Variants in AUH observed in about 807,000 individuals in gnomAD.
The protein encoded by AUH is AU RNA binding methylglutaconyl-CoA hydratase.
A neutral mutation model predicts 42.3 loss-of-function variants in AUH; 29 were observed. That is an observed-to-expected ratio of 0.69 (90% confidence interval 0.51 to 0.93). The LOEUF (loss-of-function observed/expected upper bound fraction) is 0.93. Among genes scored for constraint, AUH ranks in the 40% least tolerant of loss-of-function variants. AUH has a pLI of 0.00. For missense variants in AUH, 452 were observed against 438.1 expected (o/e 1.03, Z -0.28); for synonymous variants, 174 against 166.4 (o/e 1.05, Z -0.35).
intron 6 of AUH, among the ~76,000 whole-genome samples, chr9:91,238,324 A>G (rs534149956): frequency 6.6e-6 from 1 of 152,248 alleles, no homozygotes; most frequent in South Asian, 2.1e-4. Context: ...GCAGGAAGGG[A>G]AAAGGGGGAA....
intron 4 of AUH, among the ~76,000 whole-genome samples, chr9:91,322,166 A>G (rs1034508402): frequency 6.6e-6 from 1 of 152,234 alleles, no homozygotes; most frequent in African/African-American, 2.4e-5. Context: ...AAGAAAAGCT[A>G]TAGCTACAAT....
chr9:91,321,268 C>T (rs1293025324), intron 4 of AUH, among the ~76,000 whole-genome samples: 1 of 152,142 alleles, frequency 6.6e-6, no homozygotes, highest in African/African-American at 2.4e-5. Context: ...AATCAACTAA[C>T]ATTAATAGTG....
intron 3 of AUH, among the ~76,000 whole-genome samples, chr9:91,329,137 C>T (rs969027176): frequency 4.6e-5 from 7 of 152,042 alleles, no homozygotes; most frequent in Admixed American, 6.6e-5. Flanking sequence ...ATCCCTTCAT[C>T]GGATGACAGA....
At chr9:91,253,940 G>A (rs1829272497) in intron 6 of AUH, among the ~76,000 whole-genome samples, 3 of 152,220 alleles carry the variant, frequency 2.0e-5, no homozygotes, top group Non-Finnish European at 2.9e-5. Context: ...AAAAATTAAC[G>A]TTAAGTCAAA....
chr9:91,235,003 A>G (rs1414253057), intron 6 of AUH, among the ~76,000 whole-genome samples: 1 of 151,840 alleles, frequency 6.6e-6, no homozygotes, highest in East Asian at 1.9e-4. Flanking sequence ...GAGGCAGAGT[A>G]TGGCCCATTG....
At chr9:91,342,197 C>T (rs73651420) in intron 3 of AUH, among the ~76,000 whole-genome samples, 28 of 152,300 alleles carry the variant, frequency 1.8e-4, no homozygotes, top group African/African-American at 6.3e-4. Context: ...CCTTGCCTTT[C>T]CCAGCTTCTA....
At chr9:91,315,019 G>A (rs1452465813) in intron 4 of AUH, among the ~76,000 whole-genome samples, 1 of 152,318 alleles carries the variant, frequency 6.6e-6, no homozygotes, top group South Asian at 2.1e-4. Flanking sequence ...CGCCTCCCAG[G>A]TTCAAACGAT....
At chr9:91,341,438 G>A (rs1452830500) in intron 3 of AUH, among the ~76,000 whole-genome samples, 7 of 152,152 alleles carry the variant, frequency 4.6e-5, no homozygotes, top group African/African-American at 7.2e-5. Flanking sequence ...CAGGTTTAAC[G>A]GTAAGTCATA....
chr9:91,311,843 G>A (rs941848432), intron 4 of AUH, among the ~76,000 whole-genome samples: 6 of 152,172 alleles, frequency 3.9e-5, no homozygotes, highest in African/African-American at 1.4e-4. Context: ...TTTCATTGCT[G>A]TGTAGCCTTG....
At chr9:91,272,800 A>C (rs1336215398) in intron 6 of AUH, among the ~76,000 whole-genome samples, 1 of 152,220 alleles carries the variant, frequency 6.6e-6, no homozygotes, top group Non-Finnish European at 1.5e-5. Context: ...CAATAAAATA[A>C]TTATAGCTGA....
intron 6 of AUH, among the ~76,000 whole-genome samples, chr9:91,223,509 G>A (rs1432746693): frequency 6.6e-6 from 1 of 152,088 alleles, no homozygotes; most frequent in Non-Finnish European, 1.5e-5. Context: ...TTTGGCTATT[G>A]TGAATAATGC....
intron 6 of AUH, among the ~76,000 whole-genome samples, chr9:91,246,078 T>C (rs960075541): frequency 4.6e-5 from 7 of 151,294 alleles, no homozygotes; most frequent in African/African-American, 9.7e-5. Context: ...TGGGAAAAGA[T>C]ATTTACAAAG....
At chr9:91,348,554 A>C (rs1831711320) in intron 3 of AUH, among the ~76,000 whole-genome samples, 1 of 152,242 alleles carries the variant, frequency 6.6e-6, no homozygotes, top group Non-Finnish European at 1.5e-5. Flanking sequence ...TACTATTCTC[A>C]GCAATAAAAT....
chr9:91,280,615 A>C (rs1180732508), intron 6 of AUH, among the ~76,000 whole-genome samples: 1 of 152,212 alleles, frequency 6.6e-6, no homozygotes, highest in East Asian at 1.9e-4. Flanking sequence ...AGTAAATAAC[A>C]TACTCATATT....
At chr9:91,318,134 C>A (rs1388975090) in intron 4 of AUH, among the ~76,000 whole-genome samples, 1 of 152,170 alleles carries the variant, frequency 6.6e-6, no homozygotes. Context: ...TCCTGTGGAA[C>A]TGTCTGTATA....
At chr9:91,357,735 G>C (rs1022312359) in intron 1 of AUH, among the ~76,000 whole-genome samples, 3 of 152,200 alleles carry the variant, frequency 2.0e-5, no homozygotes, top group African/African-American at 7.2e-5. Context: ...GTGAAGGAGA[G>C]GGGCTGACTG....
At chr9:91,342,918 C>CA (rs1831213109) in intron 3 of AUH, 1 of 152,250 alleles carries the variant, frequency 6.6e-6, no homozygotes, top group Admixed American at 6.5e-5. Flanking sequence ...ATGAAGATGA[C>CA]AAGGATAACC....
intron 4 of AUH, among the ~76,000 whole-genome samples, chr9:91,324,533 A>C (rs1705271): frequency 1.3e-5 from 2 of 149,662 alleles, no homozygotes; most frequent in Non-Finnish European, 1.5e-5. Context: ...AAAAAAAAAA[A>C]AACTAAAACC....
intron 6 of AUH, among the ~76,000 whole-genome samples, chr9:91,231,869 G>GTAC (rs1283902211): frequency 1.3e-5 from 2 of 152,124 alleles, no homozygotes. Flanking sequence ...ATACTCCATA[G>GTAC]TACTACAGAG....
Sources: gnomAD v4.1 joint callset for allele counts (sites outside exome capture counted in the v4.1 genomes callset) on GRCh38, gnomAD v4.1.1 for gene constraint, MANE v1.5 for transcripts, NCBI Gene and HGNC (gene_info 2026-07-23, HGNC 2026-07-21) for gene names.